PRELP: variants seen among roughly 807,000 people sequenced by gnomAD.
The protein encoded by PRELP is prolargin.
A neutral mutation model predicts 22.8 loss-of-function variants in PRELP; 16 were observed. That is an observed-to-expected ratio of 0.70 (90% CI 0.47 to 1.06). PRELP has a LOEUF of 1.06. PRELP is among the 50% of genes least tolerant of loss of function. The pLI, the probability that PRELP is intolerant of heterozygous loss-of-function variation, is 0.00. For missense variants in PRELP, 434 were observed against 485.2 expected (o/e 0.89, Z 0.99); for synonymous variants, 233 against 211.4 (o/e 1.10, Z -0.89).
In PRELP at chr1:203,482,264, A is replaced by AGT. The variant is rs201628307; in HGVS notation, c.-16-901_-16-900dup. Among the ~76,000 whole-genome samples, 100 of 150,686 alleles carry AGT rather than the reference A, an allele frequency of 6.6e-4. 2 individuals carry two copies. The East Asian group carries it at 0.012, about 17-fold the overall frequency. ...CCCCAGGACTCCTGACTCGGAGTCC[A>AGT]GTGTGCTTTCTTTCTTTCTTTTTTT... On this transcript the variant is annotated intron_variant, in intron 1 of 2. Coordinates refer to ENST00000343110, the MANE Select transcript of PRELP (RefSeq NM_002725.4).
chr1:203,483,540 T>C lies in PRELP; in HGVS notation c.356T>C (p.Val119Ala). ...LQNNFITELP[V>A]ESFQNATGLR... The stretch of plus-strand genomic sequence containing the variant: ...AACAACTTCATCACTGAGCTCCCGG[T>C]GGAGTCCTTCCAGAATGCCACAGGC... The change falls in exon 2 of 3, where the codon GTG (valine) becomes GCG (alanine). Residue 119 changes from valine (V) to alanine (A), a missense_variant. Physicochemically the swap from Val to Ala is moderately conservative, Grantham distance 64 (BLOSUM62 0). Transcript: ENST00000343110. The surrounding 1 kb of genome is among the most constrained non-coding windows in gnomAD (Gnocchi z 4.4). 1 of 1,614,176 alleles carries C rather than the reference T, an allele frequency of 6.2e-7. No homozygotes were observed. Among genetic ancestry groups the C allele is most frequent in the Non-Finnish European group, 8.5e-7 (1 of 1,180,014 alleles).
At chr1:203,480,083 T>C (rs1395487778) in intron 1 of PRELP, among the ~76,000 whole-genome samples, 2 of 152,236 alleles carry the variant, frequency 1.3e-5, no homozygotes, top group East Asian at 3.9e-4. Flanking sequence ...TCATTTTTGT[T>C]TAAAGTGAAA....
Position 203,488,745 on chromosome 1 carries a change from CG to C in PRELP, c.*1866del. 1 of 152,214 alleles carries C rather than the reference CG, an allele frequency of 6.6e-6. No homozygotes were observed. Among genetic ancestry groups the C allele is most frequent in the South Asian group, 2.1e-4 (1 of 4,816 alleles). 9.4% of individuals were successfully genotyped at this position (152,214 alleles called of 1,614,324 possible). On this transcript the variant is annotated 3_prime_UTR_variant, in exon 3 of 3. Transcript: ENST00000343110. ...GCTTGGCAGGTCTCCAAGTGGAACC[CG>C]GTCCAGACAGGGCTGCCTCGACTTC...
intron 1 of PRELP, among the ~76,000 whole-genome samples, chr1:203,482,083 C>A (rs1661009329): frequency 6.6e-6 from 1 of 152,078 alleles, no homozygotes. Flanking sequence ...GTTGGAAAAC[C>A]ACTAGGTTAT....
Position 203,483,722 on chromosome 1 carries a change from C to G in PRELP, c.538C>G (p.Gln180Glu). The G allele has an allele frequency of 6.2e-7, 1 of 1,614,248 alleles. No individual in the cohort carries two copies. Among genetic ancestry groups the G allele is most frequent in the East Asian group, 2.2e-5 (1 of 44,884 alleles). ...PRNLEQLRLS[Q>E]NHISRIPPGV... is the part of the protein sequence containing the mutation. ...GAACCTGGAGCAGCTGAGGCTGAGCCAGAACCACATCTCCAGAATCCCGCC... is the reference window on the plus strand; with the variant it reads ...GAACCTGGAGCAGCTGAGGCTGAGCGAGAACCACATCTCCAGAATCCCGCC... Residue 180 changes from glutamine (Q) to glutamate (E), a missense_variant, in exon 2 of 3, where the codon CAG becomes GAG. Transcript: ENST00000343110. This position sits in a 1 kb window ranked among gnomAD's most constrained non-coding sequence, Gnocchi z 4.4.
chr1:203,476,127 T>A lies in PRELP; in HGVS notation c.-17+189T>A, dbSNP rs531872507. ...CTTTCCTATAGCCTCTTCCTTTTCT[T>A]TTCATCACTCTGTACCCCTATATTT... On this transcript the variant is annotated intron_variant, in intron 1 of 2. Coordinates refer to ENST00000343110, the MANE Select transcript of PRELP (RefSeq NM_002725.4). 2.0e-5 allele frequency among the ~76,000 whole-genome samples: 3 copies of A among 152,320 alleles called. No individual in the cohort carries two copies. In the South Asian group the frequency reaches 6.2e-4, roughly 32 times the overall value.
At position 203,486,752 on chromosome 1, in the gene PRELP, T is replaced by C. The variant is rs374975549; in HGVS notation, c.1020T>C (p.His340=). Residue 340 remains histidine, a synonymous_variant, in exon 3 of 3, where the codon CAT becomes CAC. Coordinates refer to ENST00000343110, the MANE Select transcript of PRELP (RefSeq NM_002725.4). ...QICPNDLVAF[H]DFSSDLENVP... The stretch of plus-strand genomic sequence containing the variant: ...GCCCCAACGACCTAGTGGCGTTCCA[T>C]GACTTCTCCTCGGACCTGGAGAACG... 8 of 1,614,144 alleles carry C rather than the reference T, an allele frequency of 5.0e-6. No individual in the cohort carries two copies. In the African/African-American group the frequency reaches 6.7e-5, roughly 13 times the overall value.
At chr1:203,486,643 C>T in intron 2 of PRELP, 63 bp from the exon 3 acceptor site, 1 of 1,486,712 alleles carries the variant, frequency 6.7e-7, no homozygotes, top group East Asian at 2.3e-5. Flanking sequence ...TTCCCCCTTC[C>T]CCTTCCTCAT....
chr1:203,482,788 A>G (rs935364505), intron 1 of PRELP, among the ~76,000 whole-genome samples: 10 of 150,984 alleles, frequency 6.6e-5, no homozygotes, highest in Non-Finnish European at 1.0e-4. Flanking sequence ...TAGTAGAGAC[A>G]GGGTTTCACC....
intron 1 of PRELP, among the ~76,000 whole-genome samples, chr1:203,479,254 C>G (rs183498156): frequency 3.8e-4 from 58 of 152,288 alleles, no homozygotes; most frequent in Middle Eastern, 6.8e-3. Context: ...CCTCTCCATA[C>G]AAAGCCAATT....
In PRELP at chr1:203,483,650, T is replaced by C. The variant is rs771925771; in HGVS notation, c.466T>C (p.Tyr156His). ...LEKLPGLVFL[Y>H]MEKNQLEEVP... ...GAAACTGCCCGGCCTGGTGTTCCTC[T>C]ACATGGAGAAGAACCAGTTGGAAGA... The change falls in exon 2 of 3, where the codon TAC (tyrosine) becomes CAC (histidine). Residue 156 changes from tyrosine (Y) to histidine (H), a missense_variant. By Grantham distance (83) the Tyr-to-His change is moderately conservative (BLOSUM62 2). Transcript: ENST00000343110. This position sits in a 1 kb window ranked among gnomAD's most constrained non-coding sequence, Gnocchi z 4.4. The C allele has an allele frequency of 1.1e-5, 18 of 1,614,026 alleles. No homozygotes were observed. Among genetic ancestry groups the C allele is most frequent in the Non-Finnish European group, 1.4e-5 (16 of 1,180,038 alleles).
At chr1:203,485,296 A>G (rs1661074506) in intron 2 of PRELP, among the ~76,000 whole-genome samples, 1 of 152,170 alleles carries the variant, frequency 6.6e-6, no homozygotes, top group Non-Finnish European at 1.5e-5. Context: ...TGATTAATAA[A>G]TGGCTGATAG....
rs771628671 is a variant in PRELP, at chr1:203,487,119, T to C, written c.*238T>C. 1.1e-4 allele frequency: 53 copies of C among 467,812 alleles called. No individual in the cohort carries two copies. Among genetic ancestry groups the C allele is most frequent in the Non-Finnish European group, 1.8e-4 (48 of 263,928 alleles). The allele number at this position is 467,812 out of a possible 1,614,324, so 29.0% of individuals were successfully genotyped here. On this transcript the variant is annotated 3_prime_UTR_variant, in exon 3 of 3. Transcript: ENST00000343110. ...CCAGTGCACACCCAAACTCCTGGCC[T>C]TCTGTGGTTTCCCTTTGCTCCAGAA...
intron 1 of PRELP, among the ~76,000 whole-genome samples, chr1:203,479,015 A>G (rs991619430): frequency 6.6e-6 from 1 of 152,178 alleles, no homozygotes; most frequent in Non-Finnish European, 1.5e-5. Flanking sequence ...AGAAGGGAAA[A>G]AAGAGAGAGG....
At chr1:203,485,060 A>G (rs949956729) in intron 2 of PRELP, among the ~76,000 whole-genome samples, 9 of 152,030 alleles carry the variant, frequency 5.9e-5, no homozygotes, top group Non-Finnish European at 2.9e-5. Context: ...CCAAAGAATG[A>G]GATGGAGATT....
rs1395758636 is a variant in PRELP at position 203,483,376 on chromosome 1, A to T, written c.192A>T (p.Pro64=). The part of the protein sequence containing the change: ...EPTDLPPPLP[P]GPPSIFPDCP... Reference sequence around the variant, plus strand: ...CAGACCTGCCTCCTCCCCTCCCTCCAGGCCCTCCATCTATCTTCCCTGACT... The same window carrying T: ...CAGACCTGCCTCCTCCCCTCCCTCCTGGCCCTCCATCTATCTTCCCTGACT... The change falls in exon 2 of 3, where the codon CCA becomes CCT. Residue 64 remains proline, a synonymous_variant. Transcript: ENST00000343110. The surrounding 1 kb of genome is among the most constrained non-coding windows in gnomAD (Gnocchi z 4.4). 6.2e-7 allele frequency: 1 copy of T among 1,613,874 alleles called. No homozygotes were observed. The highest frequency in any genetic ancestry group is 2.2e-5 in the East Asian group (1 of 44,840).
intron 1 of PRELP, among the ~76,000 whole-genome samples, chr1:203,482,167 A>G (rs769721578): frequency 1.3e-5 from 2 of 152,136 alleles, no homozygotes; most frequent in Non-Finnish European, 2.9e-5. Flanking sequence ...TCTCATGAAG[A>G]CACTGATGAT....
At chr1:203,479,325 C>A (rs1372832926) in intron 1 of PRELP, among the ~76,000 whole-genome samples, 1 of 152,104 alleles carries the variant, frequency 6.6e-6, no homozygotes, top group Non-Finnish European at 1.5e-5. Context: ...CCCAACCCTG[C>A]CCTGAGCAGA....
Position 203,483,668 on chromosome 1 carries a change from T to C in PRELP, c.484T>C (p.Leu162=), listed in dbSNP as rs1358332000. ...LVFLYMEKNQ[L]EEVPSALPRN... is the part of the protein sequence containing the mutation. The stretch of plus-strand genomic sequence containing the variant: ...GTTCCTCTACATGGAGAAGAACCAG[T>C]TGGAAGAGGTCCCCTCGGCCCTGCC... The change falls in exon 2 of 3, where the codon TTG becomes CTG. Residue 162 remains leucine (L), a synonymous_variant. Transcript: ENST00000343110. The surrounding 1 kb of genome is among the most constrained non-coding windows in gnomAD (Gnocchi z 4.4). 3.1e-6 allele frequency: 5 copies of C among 1,613,956 alleles called. No individual in the cohort carries two copies. Among genetic ancestry groups the C allele is most frequent in the Admixed American group, 3.3e-5 (2 of 59,992 alleles).
Sources: gnomAD v4.1 joint callset for allele counts (sites outside exome capture counted in the v4.1 genomes callset) on GRCh38, gnomAD v4.1.1 for gene constraint, Gnocchi (gnomAD v3.1) non-coding constraint, MANE v1.5 for transcripts, NCBI Gene and HGNC (gene_info 2026-07-23, HGNC 2026-07-21) for gene names.